Variants in PCDH9 observed in about 807,000 individuals in gnomAD.
PCDH9 encodes protocadherin 9.
Under a neutral mutation model 70.6 loss-of-function variants are expected in PCDH9, and 24 were observed. The ratio of observed to expected loss-of-function variants is 0.34; its 90% CI spans 0.25 to 0.48. The LOEUF (loss-of-function observed/expected upper bound fraction) is 0.48. Among genes scored for constraint, PCDH9 ranks in the 20% least tolerant of loss-of-function variants. PCDH9 has a pLI of 0.99. For missense variants in PCDH9, 1,281 were observed against 1,503.6 expected (o/e 0.85, Z 2.45); for synonymous variants, 562 against 558.5 (o/e 1.01, Z -0.09).
intron 3 of PCDH9, among the ~76,000 whole-genome samples, chr13:66,633,491 C>T (rs911608409): frequency 6.6e-6 from 1 of 152,084 alleles, no homozygotes; most frequent in African/African-American, 2.4e-5. Flanking sequence ...TTTCAATATG[C>T]CCTCAATCTA....
chr13:66,670,128 C>T (rs1178109752), intron 3 of PCDH9, among the ~76,000 whole-genome samples: 6 of 152,190 alleles, frequency 3.9e-5, no homozygotes, highest in East Asian at 3.9e-4. Flanking sequence ...TGAAATTATG[C>T]GTTCAGTTTT....
intron 2 of PCDH9, among the ~76,000 whole-genome samples, chr13:66,907,023 T>C (rs1446157825): frequency 6.6e-6 from 1 of 152,124 alleles, no homozygotes; most frequent in East Asian, 1.9e-4. Context: ...CTGGTCAACA[T>C]GGCAAAACCC....
chr13:66,425,135 A>G (rs1957646513), intron 4 of PCDH9, among the ~76,000 whole-genome samples: 1 of 151,858 alleles, frequency 6.6e-6, no homozygotes, highest in Non-Finnish European at 1.5e-5. Context: ...GTTGCACACA[A>G]AAGAATGAAG....
At chr13:66,587,104 T>A (rs1474723576) in intron 4 of PCDH9, among the ~76,000 whole-genome samples, 3 of 152,022 alleles carry the variant, frequency 2.0e-5, no homozygotes, top group African/African-American at 4.8e-5. Context: ...CAGACGAGCC[T>A]GGGCAACATA....
intron 4 of PCDH9, among the ~76,000 whole-genome samples, chr13:66,403,211 C>G (rs1957219558): frequency 6.6e-6 from 1 of 152,020 alleles, no homozygotes; most frequent in Non-Finnish European, 1.5e-5. Context: ...ACAATCACAG[C>G]TCACTGCAAC....
At chr13:66,981,387 G>A (rs1335590493) in intron 2 of PCDH9, among the ~76,000 whole-genome samples, 5 of 146,314 alleles carry the variant, frequency 3.4e-5, no homozygotes, top group Admixed American at 6.9e-5. Flanking sequence ...GCAATGAGCC[G>A]AGATCGTGCC....
chr13:66,830,540 T>C (rs1375568848), intron 3 of PCDH9, among the ~76,000 whole-genome samples: 3 of 152,226 alleles, frequency 2.0e-5, no homozygotes, highest in Non-Finnish European at 2.9e-5. Flanking sequence ...GTATCAATTA[T>C]ATTTACATTA....
At chr13:66,704,001 A>G (rs551395301) in intron 3 of PCDH9, among the ~76,000 whole-genome samples, 2 of 152,216 alleles carry the variant, frequency 1.3e-5, no homozygotes, top group African/African-American at 2.4e-5. Context: ...ATAAAGAATA[A>G]AAAGTGATCA....
rs370129072 is a variant in PCDH9, at chr13:67,225,753, A to G, written c.2688T>C (p.Val896=). 14 of 1,614,118 alleles carry G rather than the reference A, an allele frequency of 8.7e-6. No homozygotes were observed. The African/African-American group carries it at 1.7e-4, about 20-fold the overall frequency. ...TIEESKPDDA[V]HEPINGTISL... is the part of the protein sequence containing the mutation. ...TTATTGTCCCATTGATAGGTTCATG[A>G]ACTGCATCATCGGGTTTGGACTCTT... The change falls in exon 2 of 5, where the codon GTT becomes GTC. Residue 896 remains valine, a synonymous_variant. Transcript: ENST00000377865.
intron 3 of PCDH9, among the ~76,000 whole-genome samples, chr13:66,681,159 T>C (rs1381816171): frequency 6.6e-6 from 1 of 152,136 alleles, no homozygotes; most frequent in East Asian, 1.9e-4. Context: ...CACAATCACT[T>C]TACCCCCCAC....
intron 4 of PCDH9, among the ~76,000 whole-genome samples, chr13:66,317,602 AC>A (rs1955676757): frequency 6.6e-6 from 1 of 152,216 alleles, no homozygotes; most frequent in African/African-American, 2.4e-5. Flanking sequence ...ACATAACAAA[AC>A]ATTTCCTTAC....
intron 4 of PCDH9, among the ~76,000 whole-genome samples, chr13:66,511,948 C>CAATA (rs1180022761): frequency 6.6e-6 from 1 of 151,998 alleles, no homozygotes; most frequent in African/African-American, 2.4e-5. Flanking sequence ...GATAGCAGTG[C>CAATA]AAGAACAGCC....
intron 2 of PCDH9, among the ~76,000 whole-genome samples, chr13:67,126,392 G>A (rs1208886578): frequency 6.6e-6 from 1 of 152,038 alleles, no homozygotes; most frequent in Non-Finnish European, 1.5e-5. Context: ...AAATATGAAA[G>A]CAAAGCATTA....
intron 4 of PCDH9, among the ~76,000 whole-genome samples, chr13:66,501,340 T>G (rs1025477479): frequency 2.0e-5 from 3 of 152,152 alleles, no homozygotes; most frequent in Admixed American, 6.5e-5. Flanking sequence ...AGTCTTAGAC[T>G]CTACAGTATT....
At chr13:66,495,928 G>A (rs1471734773) in intron 4 of PCDH9, among the ~76,000 whole-genome samples, 1 of 152,170 alleles carries the variant, frequency 6.6e-6, no homozygotes, top group African/African-American at 2.4e-5. Flanking sequence ...TTCCTCTTCT[G>A]TGAAACAGGA....
chr13:66,974,478 T>C (rs2083580423), intron 2 of PCDH9, among the ~76,000 whole-genome samples: 1 of 151,952 alleles, frequency 6.6e-6, no homozygotes, highest in African/African-American at 2.4e-5. Context: ...AGAAATTGGA[T>C]TGGAAAAGAA....
At chr13:66,747,223 T>A (rs574449616) in intron 3 of PCDH9, among the ~76,000 whole-genome samples, 1 of 151,986 alleles carries the variant, frequency 6.6e-6, no homozygotes, top group Non-Finnish European at 1.5e-5. Flanking sequence ...TGGTGGTGTG[T>A]GCCTGTAATC....
intron 4 of PCDH9, among the ~76,000 whole-genome samples, chr13:66,385,463 C>CAGG (rs556223389): frequency 2.0e-3 from 302 of 152,222 alleles, no homozygotes; most frequent in Non-Finnish European, 4.0e-3. Flanking sequence ...CCCCAAATAA[C>CAGG]AGGACTTCAA....
chr13:66,687,032 A>C (rs1380254569), intron 3 of PCDH9, among the ~76,000 whole-genome samples: 1 of 152,208 alleles, frequency 6.6e-6, no homozygotes, highest in Non-Finnish European at 1.5e-5. Context: ...AAGTAGGATC[A>C]GATATAGTTT....
Sources: allele counts gnomAD v4.1 joint callset (sites outside exome capture counted in the v4.1 genomes callset), GRCh38; gene constraint gnomAD v4.1.1; transcripts MANE v1.5; gene names NCBI Gene and HGNC (gene_info 2026-07-23, HGNC 2026-07-21).